Variants in DLG2 observed in about 807,000 individuals in gnomAD.
DLG2 encodes disks large homolog 2.
A neutral mutation model predicts 132.5 loss-of-function variants in DLG2; 45 were observed. The ratio of observed to expected loss-of-function variants is 0.34; its 90% CI spans 0.27 to 0.44. DLG2 has a LOEUF of 0.44. Ranked by LOEUF, DLG2 falls within the 20% of genes least tolerant of loss-of-function variation. The pLI is 1.00. For synonymous variants in DLG2, 424 were observed against 419.6 expected, an observed-to-expected ratio of 1.01 and a Z score of -0.13; for missense variants, 1,045 against 1,196.9, an observed-to-expected ratio of 0.87 and a Z score of 1.87.
intron 11 of DLG2, among the ~76,000 whole-genome samples, chr11:84,035,939 A>G (rs182034341): frequency 1.1e-3 from 175 of 152,300 alleles, no homozygotes; most frequent in Middle Eastern, 6.8e-3. Context: ...GCAACTGGAT[A>G]TCATTTGATG....
chr11:85,292,491 C>T (rs891221165), intron 3 of DLG2, among the ~76,000 whole-genome samples: 9 of 151,446 alleles, frequency 5.9e-5, no homozygotes, highest in East Asian at 3.9e-4. Context: ...CAAGGACTAA[C>T]GCAAAATGGA....
chr11:83,742,116 C>T (rs1009932694), intron 18 of DLG2, among the ~76,000 whole-genome samples: 5 of 151,898 alleles, frequency 3.3e-5, no homozygotes, highest in African/African-American at 9.7e-5. Flanking sequence ...ACTTCACAAA[C>T]GTTTTCTGAA....
chr11:83,500,637 G>A (rs1381516345), intron 21 of DLG2, among the ~76,000 whole-genome samples: 1 of 149,114 alleles, frequency 6.7e-6, no homozygotes, highest in Non-Finnish European at 1.5e-5. Flanking sequence ...AGCTAGGGGG[G>A]TTATTTGTTC....
intron 6 of DLG2, among the ~76,000 whole-genome samples, chr11:84,906,640 T>C (rs557714556): frequency 4.6e-5 from 7 of 152,166 alleles, no homozygotes; most frequent in African/African-American, 1.4e-4. Flanking sequence ...CCTACCACCA[T>C]GGAATTTGAA....
At chr11:84,026,753 A>G (rs1277090096) in intron 11 of DLG2, among the ~76,000 whole-genome samples, 1 of 152,052 alleles carries the variant, frequency 6.6e-6, no homozygotes, top group Non-Finnish European at 1.5e-5. Context: ...AATCCATCTA[A>G]TGGAACATAG....
chr11:84,254,148 A>G (rs1353035218), intron 7 of DLG2, among the ~76,000 whole-genome samples: 2 of 152,146 alleles, frequency 1.3e-5, no homozygotes, highest in East Asian at 3.9e-4. Context: ...TATCACATGT[A>G]ATTCTTGTAT....
At chr11:84,828,091 T>C (rs1295773638) in intron 6 of DLG2, among the ~76,000 whole-genome samples, 1 of 151,322 alleles carries the variant, frequency 6.6e-6, no homozygotes. Flanking sequence ...GTTTGTAAAA[T>C]TGAATGTCCA....
chr11:84,136,364 A>G (rs1469040080), intron 9 of DLG2, among the ~76,000 whole-genome samples: 6 of 152,164 alleles, frequency 3.9e-5, no homozygotes, highest in Non-Finnish European at 5.9e-5. Context: ...TTGTTTTCCT[A>G]TTTTGAAAAT....
intron 14 of DLG2, among the ~76,000 whole-genome samples, chr11:83,936,892 T>G (rs988438337): frequency 6.6e-6 from 1 of 152,168 alleles, no homozygotes; most frequent in African/African-American, 2.4e-5. Flanking sequence ...TTTTTGTGGC[T>G]TTCTGAAAGA....
At chr11:84,459,776 CT>C (rs1236890612) in intron 7 of DLG2, among the ~76,000 whole-genome samples, 1 of 150,518 alleles carries the variant, frequency 6.6e-6, no homozygotes, top group African/African-American at 2.4e-5. Context: ...AAGTATACAT[CT>C]TTTAATACTT....
At chr11:84,960,043 T>G (rs113314365) in intron 6 of DLG2, among the ~76,000 whole-genome samples, 1,925 of 152,312 alleles carry the variant, frequency 0.013, 42 homozygotes, top group African/African-American at 0.044. Flanking sequence ...CAAGGTATTT[T>G]GCACATACCA....
chr11:83,980,447 T>A, intron 12 of DLG2, 59 bp downstream of exon 12: 2 of 1,557,008 alleles, frequency 1.3e-6, no homozygotes. Context: ...AAGACAGTCA[T>A]ACACTGGAAA....
At chr11:83,470,222 T>C (rs910781043) in intron 24 of DLG2, among the ~76,000 whole-genome samples, 5 of 151,942 alleles carry the variant, frequency 3.3e-5, no homozygotes, top group Non-Finnish European at 5.9e-5. Context: ...ACCAAAATGT[T>C]CATAAAGAAT....
intron 7 of DLG2, among the ~76,000 whole-genome samples, chr11:84,465,462 G>C (rs1017508705): frequency 6.6e-6 from 1 of 151,206 alleles, no homozygotes; most frequent in Admixed American, 6.6e-5. Flanking sequence ...TGCACCATGA[G>C]AGACAATGAG....
intron 19 of DLG2, among the ~76,000 whole-genome samples, chr11:83,582,774 G>A (rs1433154823): frequency 6.6e-6 from 1 of 152,160 alleles, no homozygotes; most frequent in Non-Finnish European, 1.5e-5. Context: ...ATCTTTCAGC[G>A]ACAAGCATTC....
intron 7 of DLG2, among the ~76,000 whole-genome samples, chr11:84,487,104 G>A (rs2099152953): frequency 2.0e-5 from 3 of 151,960 alleles, no homozygotes. Context: ...AGTTGCTTAG[G>A]CAACCAAAAA....
At chr11:84,704,011 C>T (rs2153746243) in intron 6 of DLG2, among the ~76,000 whole-genome samples, 1 of 150,184 alleles carries the variant, frequency 6.7e-6, no homozygotes, top group South Asian at 2.1e-4. Context: ...ATAACAGCAG[C>T]CAGTACTTCT....
intron 3 of DLG2, among the ~76,000 whole-genome samples, chr11:85,557,776 C>A (rs898601751): frequency 3.3e-5 from 5 of 151,890 alleles, no homozygotes; most frequent in African/African-American, 1.2e-4. Flanking sequence ...AACCTAGACC[C>A]CTACCTTTCA....
rs893776212 is a variant in DLG2 at position 83,486,209 on chromosome 11, T to A, written c.2194-1981A>T. 1.0e-5 allele frequency: 7 copies of A among 689,922 alleles called. No homozygotes were observed. In the African/African-American group the frequency reaches 1.2e-4, roughly 12 times the overall value. The allele number at this position is 689,922 out of a possible 1,614,324, so 42.7% of individuals were successfully genotyped here. A position where few individuals can be genotyped will look rare whatever the true frequency, so the allele number is the denominator to read the frequency against. On this transcript the variant is annotated intron_variant, in intron 21 of 27. Transcript: ENST00000376104. ...CTAAATATTCTTGCATCACTCCAGTTTCATGCCACTTTTACATTTCAAGCA... is the reference window on the plus strand; with the variant it reads ...CTAAATATTCTTGCATCACTCCAGTATCATGCCACTTTTACATTTCAAGCA...
Sources: allele counts gnomAD v4.1 joint callset (sites outside exome capture counted in the v4.1 genomes callset), GRCh38; gene constraint gnomAD v4.1.1; transcripts MANE v1.5; gene names NCBI Gene and HGNC (gene_info 2026-07-23, HGNC 2026-07-21).